Variants in TMEM131L observed in about 807,000 individuals in gnomAD.
TMEM131L encodes transmembrane protein 131-like.
TMEM131L carries 54 observed loss-of-function variants against 192.2 expected under a neutral mutation model. The observed-to-expected ratio is 0.28, with a 90% confidence interval of 0.23 to 0.35. The LOEUF is 0.35. Ranked by LOEUF, TMEM131L falls within the 10% of genes least tolerant of loss-of-function variation. The pLI is 1.00. For missense variants in TMEM131L, 1,888 were observed against 1,972.9 expected, an observed-to-expected ratio of 0.96 and a Z score of 0.82; for synonymous variants, 701 against 704.9, an observed-to-expected ratio of 0.99 and a Z score of 0.09.
intron 31 of TMEM131L, among the ~76,000 whole-genome samples, chr4:153,631,779 C>G (rs1457454507): frequency 6.6e-6 from 1 of 152,234 alleles, no homozygotes; most frequent in African/African-American, 2.4e-5. Context: ...TCTGTCTTCT[C>G]TGCTCCCAAT....
chr4:153,487,439 C>T (rs1010495929), intron 3 of TMEM131L, among the ~76,000 whole-genome samples: 1 of 152,082 alleles, frequency 6.6e-6, no homozygotes, highest in Admixed American at 6.6e-5. Flanking sequence ...TTGGTGTCCA[C>T]CTATCAGGGT....
intron 3 of TMEM131L, among the ~76,000 whole-genome samples, chr4:153,518,042 A>AT (rs1352444863): frequency 1.3e-5 from 2 of 151,966 alleles, no homozygotes; most frequent in Admixed American, 6.6e-5. Context: ...GAAAAAAAAA[A>AT]CAGTAACCTT....
rs1178816460 is a variant in TMEM131L, at chr4:153,620,813, A to C, written c.3625A>C (p.Asn1209His). The C allele has an allele frequency of 1.1e-5, 18 of 1,595,946 alleles. No homozygotes were observed. The highest frequency in any genetic ancestry group is 1.3e-5 in the Non-Finnish European group (15 of 1,170,388). ...GGAGAAAAGAGAAGGAAATTTACAAAATTTAAATTGGAGTAAAAGTCGAAC... is the reference window on the plus strand; with the variant it reads ...GGAGAAAAGAGAAGGAAATTTACAACATTTAAATTGGAGTAAAAGTCGAAC... ...LQEKREGNLQ[N>H]LNWSKSRTCR... The change falls in exon 27 of 35, where the codon AAT becomes CAT. Residue 1209 changes from asparagine to histidine, a missense_variant. Asn to His is a moderately conservative substitution (Grantham distance 68). Coordinates refer to ENST00000409959, the MANE Select transcript of TMEM131L (RefSeq NM_001131007.2).
intron 3 of TMEM131L, among the ~76,000 whole-genome samples, chr4:153,488,268 A>G (rs1732505188): frequency 6.6e-6 from 1 of 152,124 alleles, no homozygotes; most frequent in African/African-American, 2.4e-5. Flanking sequence ...GAGGAAGGAT[A>G]TTACTTAAGG....
intron 34 of TMEM131L, 123 bp downstream of exon 34, chr4:153,635,694 T>C: frequency 8.9e-7 from 1 of 1,123,570 alleles, no homozygotes; most frequent in Non-Finnish European, 1.3e-6. Flanking sequence ...CCTGGCTTGC[T>C]TCTTTTAGAT....
Position 153,602,328 on chromosome 4 carries a change from A to G in TMEM131L, c.2443A>G (p.Ile815Val). The G allele has an allele frequency of 6.2e-7, 1 of 1,613,238 alleles. No homozygotes were observed. Among genetic ancestry groups the G allele is most frequent in the Non-Finnish European group, 8.5e-7 (1 of 1,179,860 alleles). Residue 815 changes from isoleucine (I) to valine (V), a missense_variant, in exon 22 of 35, where the codon ATC becomes GTC. Transcript: ENST00000409959. ...CCTGGACCCAAACACATCCCGCGAT[A>G]TCAGCATTGTGTAAGCATTGGGCTT... ...FSLDPNTSRD[I>V]SIVFTPDFTS...
intron 3 of TMEM131L, among the ~76,000 whole-genome samples, chr4:153,518,674 CAT>C (rs1334112827): frequency 6.6e-6 from 1 of 152,154 alleles, no homozygotes; most frequent in Admixed American, 6.5e-5. Context: ...TGACTGAAAT[CAT>C]GTGTGACAGT....
chr4:153,627,473 A>G (rs1733928399), intron 30 of TMEM131L, 132 bp from the exon 31 acceptor site: 1 of 635,578 alleles, frequency 1.6e-6, no homozygotes, highest in Non-Finnish European at 2.8e-6. Context: ...TTATATCTGT[A>G]TGTTTCTTCC....
intron 7 of TMEM131L, among the ~76,000 whole-genome samples, chr4:153,571,795 A>C (rs1353035657): frequency 1.3e-5 from 2 of 152,114 alleles, no homozygotes; most frequent in African/African-American, 4.8e-5. Context: ...TCCTGAGCTC[A>C]AGTGATCCAC....
intron 17 of TMEM131L, among the ~76,000 whole-genome samples, chr4:153,591,658 C>T (rs913757180): frequency 6.6e-6 from 1 of 152,162 alleles, no homozygotes; most frequent in Non-Finnish European, 1.5e-5. Context: ...GACGTGCCTC[C>T]AGCAGACTTC....
chr4:153,582,433 G>GTTTTT lies in TMEM131L; in HGVS notation c.893-735_893-731dup, dbSNP rs1038256479. The stretch of plus-strand genomic sequence containing the variant: ...CTAATTTAAACCGTTTTTTTTTGTT[G>GTTTTT]TTTTTTTTTTTTTTTTTTTTTTTTT... On this transcript the variant is annotated intron_variant, in intron 9 of 34. Coordinates refer to ENST00000409959, the MANE Select transcript of TMEM131L (RefSeq NM_001131007.2). Among the ~76,000 whole-genome samples, 18 of 40,320 alleles carry GTTTTT rather than the reference G, an allele frequency of 4.5e-4. 1 individual carries two copies. Among genetic ancestry groups the GTTTTT allele is most frequent in the African/African-American group, 8.4e-4 (6 of 7,134 alleles). 26.5% of individuals were successfully genotyped at this position (40,320 alleles called of 152,430 possible).
At chr4:153,609,867 C>G (rs1317626747) in intron 25 of TMEM131L, among the ~76,000 whole-genome samples, 4 of 152,126 alleles carry the variant, frequency 2.6e-5, no homozygotes, top group Non-Finnish European at 5.9e-5. Context: ...TTCCAGAATC[C>G]AAAGGGATAT....
At chr4:153,494,190 T>C (rs759713005) in intron 3 of TMEM131L, among the ~76,000 whole-genome samples, 2 of 152,180 alleles carry the variant, frequency 1.3e-5, no homozygotes, top group Non-Finnish European at 2.9e-5. Context: ...AAACTGTTAA[T>C]AGTGGAATTT....
At position 153,520,612 on chromosome 4, in the gene TMEM131L, C is replaced by T. The variant is rs528739272; in HGVS notation, c.240-29461C>T. 1.4e-3 allele frequency among the ~76,000 whole-genome samples: 206 copies of T among 152,350 alleles called. 1 individual carries two copies. Among genetic ancestry groups the T allele is most frequent in the African/African-American group, 4.6e-3 (190 of 41,582 alleles). ...AAGGCCCTAGGTCTCCAGTGCAGAT[C>T]GTTCTCCTCTGTCAGTAATTTGGGG... On this transcript the variant is annotated intron_variant, in intron 3 of 34. Transcript: ENST00000409959.
chr4:153,625,156 A>C (rs1733744506), intron 29 of TMEM131L, among the ~76,000 whole-genome samples: 1 of 152,216 alleles, frequency 6.6e-6, no homozygotes, highest in Admixed American at 6.5e-5. Context: ...TCACACCTGC[A>C]ATCCCAGCAC....
chr4:153,518,470 A>G (rs957604119), intron 3 of TMEM131L, among the ~76,000 whole-genome samples: 1 of 152,174 alleles, frequency 6.6e-6, no homozygotes, highest in African/African-American at 2.4e-5. Flanking sequence ...AGAAACTGTT[A>G]ATGGAATAGA....
intron 25 of TMEM131L, among the ~76,000 whole-genome samples, chr4:153,611,949 C>T (rs569584126): frequency 1.3e-5 from 2 of 152,152 alleles, no homozygotes; most frequent in South Asian, 2.1e-4. Flanking sequence ...TCCATTTATC[C>T]GTCAATGGAC....
chr4:153,583,393 A>C, intron 10 of TMEM131L, 145 bp downstream of exon 10: 1 of 754,312 alleles, frequency 1.3e-6, no homozygotes. Context: ...CCCTTGCTTG[A>C]ACCTCTGTTT....
chr4:153,502,158 G>A (rs1321260006), intron 3 of TMEM131L, among the ~76,000 whole-genome samples: 5 of 151,960 alleles, frequency 3.3e-5, no homozygotes, highest in South Asian at 2.1e-4. Context: ...TTCCCGGGCC[G>A]GTCTCCAACA....
Sources: allele counts gnomAD v4.1 joint callset (sites outside exome capture counted in the v4.1 genomes callset), GRCh38; gene constraint gnomAD v4.1.1; transcripts MANE v1.5; gene names NCBI Gene and HGNC (gene_info 2026-07-23, HGNC 2026-07-21).